The following PANK1 variants were observed in gnomAD, a reference collection of about 807,000 sequenced individuals.
PANK1 encodes pantothenic acid kinase 1.
A neutral mutation model predicts 40.1 loss-of-function variants in PANK1; 18 were observed. The ratio of observed to expected loss-of-function variants is 0.45; its 90% CI spans 0.31 to 0.67. PANK1 has a LOEUF of 0.67. PANK1 is among the 30% of genes least tolerant of loss of function. The pLI, the probability that PANK1 is intolerant of heterozygous loss-of-function variation, is 0.06. For synonymous variants in PANK1, 242 were observed against 237.7 expected (o/e 1.02, Z -0.17); for missense variants, 457 against 599.6 (o/e 0.76, Z 2.48).
chr10:89,606,563 AC>A (rs1292288544), intron 2 of PANK1, among the ~76,000 whole-genome samples: 2 of 152,116 alleles, frequency 1.3e-5, no homozygotes, highest in Admixed American at 1.3e-4. Flanking sequence ...TCACTCTGTC[AC>A]CCAGGCTGGA....
intron 6 of PANK1, among the ~76,000 whole-genome samples, chr10:89,587,660 C>A (rs1245703959): frequency 1.3e-5 from 2 of 152,152 alleles, no homozygotes; most frequent in East Asian, 3.8e-4. Context: ...AGAAACCATG[C>A]TCAAAAATAG....
intron 1 of PANK1, among the ~76,000 whole-genome samples, chr10:89,627,232 A>G (rs368756683): frequency 1.3e-4 from 10 of 75,614 alleles, no homozygotes; most frequent in African/African-American, 3.0e-4. Flanking sequence ...AAAATATTTG[A>G]AAAAAAAAAA....
chr10:89,584,605 TAAC>T, intron 6 of PANK1, 140 bp from the exon 7 acceptor site: 1 of 599,930 alleles, frequency 1.7e-6, no homozygotes, highest in Non-Finnish European at 3.0e-6. Flanking sequence ...GGCAGAATAA[TAAC>T]AACTATAATT....
intron 1 of PANK1, 96 bp from the exon 2 acceptor site, chr10:89,612,144 T>A (rs1475667998): frequency 2.1e-6 from 2 of 949,004 alleles, no homozygotes; most frequent in Admixed American, 2.5e-5. Flanking sequence ...TGGTATCATA[T>A]CTACATGTGC....
chr10:89,643,059 G>A (rs10509578), intron 1 of PANK1, among the ~76,000 whole-genome samples: 6,418 of 152,234 alleles, frequency 0.042, 204 homozygotes, highest in Non-Finnish European at 0.069. Flanking sequence ...GATATTCCTA[G>A]AGGGTGTATT....
In PANK1 at chr10:89,590,541, C is replaced by G. The variant is rs1844350988; in HGVS notation, c.1201-1764G>C. ...ATCCGATGACTCAGCAAGTTCCCTT[C>G]TAGGAATTTATCCTATTGATATACT... On this transcript the variant is annotated intron_variant, in intron 5 of 6. Transcript: ENST00000307534. 2.0e-5 allele frequency among the ~76,000 whole-genome samples: 3 copies of G among 152,180 alleles called. No homozygotes were observed. The South Asian group carries it at 6.2e-4, about 32-fold the overall frequency.
Position 89,644,783 on chromosome 10 carries a change from G to C in PANK1, c.109C>G (p.Pro37Ala). 1 of 1,495,364 alleles carries C rather than the reference G, an allele frequency of 6.7e-7. No homozygotes were observed. The highest frequency in any genetic ancestry group is 1.3e-5 in the South Asian group (1 of 77,476). The allele number at this position is 1,495,364 out of a possible 1,614,324, so 92.6% of individuals were successfully genotyped here. Residue 37 changes from proline to alanine, a missense_variant, in exon 1 of 7, where the codon CCG becomes GCG. Transcript: ENST00000307534. ...VNGLLHNGFH[P>A]PPVQPPHVCS... ...ACGTGCGGCGGCTGGACTGGCGGCG[G>C]ATGGAAGCCGTTGTGCAGCAGCCCG... is the stretch of plus-strand genomic sequence containing the variant.
chr10:89,625,657 C>A (rs1426732819), intron 1 of PANK1: 1 of 151,934 alleles, frequency 6.6e-6, no homozygotes, highest in Non-Finnish European at 1.5e-5. Context: ...CACAGACAAC[C>A]ATGTGAAATT....
intron 6 of PANK1, among the ~76,000 whole-genome samples, chr10:89,587,122 C>T (rs1481054522): frequency 3.1e-5 from 4 of 129,674 alleles, no homozygotes; most frequent in Non-Finnish European, 6.6e-5. Flanking sequence ...GACTCTGTCT[C>T]AAAAAAAAAA....
chr10:89,591,683 C>T (rs2133926585), intron 5 of PANK1, among the ~76,000 whole-genome samples: 1 of 152,292 alleles, frequency 6.6e-6, no homozygotes, highest in East Asian at 1.9e-4. Context: ...CTCATTCAGC[C>T]CCACAGAAAC....
At chr10:89,634,094 T>C (rs530675958) in intron 1 of PANK1, among the ~76,000 whole-genome samples, 6 of 152,306 alleles carry the variant, frequency 3.9e-5, no homozygotes, top group South Asian at 2.1e-4. Context: ...GTAGAAGTTA[T>C]AGGGAGACAG....
chr10:89,595,958 AG>A, intron 3 of PANK1, among the ~76,000 whole-genome samples: 1 of 148,476 alleles, frequency 6.7e-6, no homozygotes. Context: ...TTATGTAGCT[AG>A]GTACCACCAG....
chr10:89,614,560 G>A (rs1010846544), intron 1 of PANK1, among the ~76,000 whole-genome samples: 6 of 152,228 alleles, frequency 3.9e-5, no homozygotes, highest in Non-Finnish European at 7.3e-5. Context: ...CACTTTGGGA[G>A]GCTGAGGCAG....
At chr10:89,631,077 C>T (rs6586211) in intron 1 of PANK1, among the ~76,000 whole-genome samples, 117,349 of 152,190 alleles carry the variant, frequency 0.77, 45,472 homozygotes, top group South Asian at 0.93. Flanking sequence ...ACCCAAATGC[C>T]TGTACACCAT....
At chr10:89,611,410 C>T (rs1845147514) in intron 2 of PANK1, among the ~76,000 whole-genome samples, 1 of 152,202 alleles carries the variant, frequency 6.6e-6, no homozygotes, top group African/African-American at 2.4e-5. Context: ...AGCATCTTGT[C>T]TTTAGCGTAT....
At chr10:89,588,255 G>T (rs2133920271) in intron 6 of PANK1, among the ~76,000 whole-genome samples, 1 of 152,112 alleles carries the variant, frequency 6.6e-6, no homozygotes, top group Admixed American at 6.5e-5. Flanking sequence ...CCTAGTTATT[G>T]TGAGTAGTGC....
chr10:89,623,700 CTAA>C (rs1159020440), intron 1 of PANK1, among the ~76,000 whole-genome samples: 3 of 152,162 alleles, frequency 2.0e-5, no homozygotes, highest in African/African-American at 7.2e-5. Context: ...CTTTCATTCC[CTAA>C]CTCAACAACA....
chr10:89,610,738 C>T (rs563417206), intron 2 of PANK1, among the ~76,000 whole-genome samples: 7 of 152,282 alleles, frequency 4.6e-5, no homozygotes, highest in East Asian at 1.9e-4. Context: ...TTTGAGAATA[C>T]GTATTTTATG....
chr10:89,602,460 G>A (rs892929015), intron 2 of PANK1, among the ~76,000 whole-genome samples: 5 of 152,084 alleles, frequency 3.3e-5, no homozygotes, highest in Admixed American at 2.0e-4. Flanking sequence ...TCACCATCTG[G>A]GAAAAATGAC....
Sources: gnomAD v4.1 joint callset for allele counts (sites outside exome capture counted in the v4.1 genomes callset) on GRCh38, gnomAD v4.1.1 for gene constraint, MANE v1.5 for transcripts, NCBI Gene and HGNC (gene_info 2026-07-23, HGNC 2026-07-21) for gene names.